IL1RAP: variants seen among roughly 807,000 people sequenced by gnomAD.
The protein encoded by IL1RAP is interleukin 1 receptor accessory protein, also known as interleukin-1 receptor accessory protein.
IL1RAP carries 35 observed loss-of-function variants against 60.7 expected under a neutral mutation model. The observed-to-expected ratio is 0.58, with a 90% CI of 0.44 to 0.76. The LOEUF is 0.76. IL1RAP is among the 30% of genes least tolerant of loss of function. The pLI is 0.00. For synonymous variants in IL1RAP, 268 were observed against 250.9 expected, an observed-to-expected ratio of 1.07 and a Z score of -0.64; for missense variants, 572 against 693.9, an observed-to-expected ratio of 0.82 and a Z score of 1.97.
chr3:190,642,853 A>C (rs3935775), intron 9 of IL1RAP, among the ~76,000 whole-genome samples: 1 of 152,180 alleles, frequency 6.6e-6, no homozygotes, highest in Non-Finnish European at 1.5e-5. Context: ...AATCAAATTG[A>C]CTAATACACA....
intron 5 of IL1RAP, among the ~76,000 whole-genome samples, chr3:190,612,630 C>A (rs1426691824): frequency 6.6e-6 from 1 of 152,040 alleles, no homozygotes; most frequent in Non-Finnish European, 1.5e-5. Context: ...CCTCGATTTA[C>A]TATGGTTTGA....
At chr3:190,596,447 C>T (rs1560199468) in intron 3 of IL1RAP, among the ~76,000 whole-genome samples, 1 of 152,186 alleles carries the variant, frequency 6.6e-6, no homozygotes, top group Admixed American at 6.5e-5. Flanking sequence ...GGCATGAAAG[C>T]CCTAGAGTGT....
At chr3:190,656,263 A>G (rs764471792), downstream of IL1RAP, 1 of 1,537,142 alleles carries the variant, frequency 6.5e-7, no homozygotes, top group South Asian at 1.2e-5. Context: ...TCAAAGGAGG[A>G]GAAGTCGTTT....
At chr3:190,560,381 A>G (rs750651944) in intron 2 of IL1RAP, among the ~76,000 whole-genome samples, 1 of 152,212 alleles carries the variant, frequency 6.6e-6, no homozygotes, top group Non-Finnish European at 1.5e-5. Context: ...AGGTCATAGA[A>G]AAGGGTGTCA....
At chr3:190,528,463 T>C (rs1722695814) in intron 1 of IL1RAP, among the ~76,000 whole-genome samples, 1 of 152,196 alleles carries the variant, frequency 6.6e-6, no homozygotes, top group Non-Finnish European at 1.5e-5. Flanking sequence ...AGTCTTCATA[T>C]AAGGTGATAC....
chr3:190,519,895 A>G (rs935690143), intron 1 of IL1RAP, among the ~76,000 whole-genome samples: 1 of 152,180 alleles, frequency 6.6e-6, no homozygotes, highest in African/African-American at 2.4e-5. Context: ...TGTGTCAATC[A>G]TCTTTCTATC....
intron 2 of IL1RAP, among the ~76,000 whole-genome samples, chr3:190,558,199 T>C (rs1413170580): frequency 1.3e-5 from 2 of 152,216 alleles, no homozygotes; most frequent in Non-Finnish European, 2.9e-5. Context: ...AGAATGACAA[T>C]TGAATTGTTT....
chr3:190,556,335 A>G lies in IL1RAP; in HGVS notation c.-2+119A>G, dbSNP rs201405263. ...CAAAACCAAGCAAAAACTTTAGCTT[A>G]TTTCATAATAAACACTAATTGTCAT... On this transcript the variant is annotated intron_variant, in intron 2 of 11. Transcript: ENST00000447382. 8.5e-5 allele frequency: 13 copies of G among 152,228 alleles called. No homozygotes were observed. The East Asian group carries it at 2.3e-3, about 27-fold the overall frequency. The allele number at this position is 152,228 out of a possible 1,614,324, so 9.4% of individuals were successfully genotyped here. A position where few individuals can be genotyped will look rare whatever the true frequency, so the allele number is the denominator to read the frequency against.
chr3:190,573,427 G>A (rs1265468533), intron 3 of IL1RAP, among the ~76,000 whole-genome samples: 4 of 152,210 alleles, frequency 2.6e-5, no homozygotes, highest in African/African-American at 7.2e-5. Context: ...TCTAAGAGGA[G>A]GGTGTAGCTT....
Position 190,625,800 on chromosome 3 carries a change from A to G in IL1RAP, c.776-1523A>G, listed in dbSNP as rs562858292. Among the ~76,000 whole-genome samples the G allele has an allele frequency of 5.3e-5, 8 of 152,348 alleles. No individual in the cohort carries two copies. In the East Asian group the frequency reaches 1.5e-3, roughly 29 times the overall value. ...ATTAGGTATGGCTTTATATAGTCAT[A>G]TGAATACTCTTCCTGCTGTCAGGGT... On this transcript the variant is annotated intron_variant, in intron 7 of 11. Transcript: ENST00000447382.
At chr3:190,557,591 A>G (rs1725533178) in intron 2 of IL1RAP, among the ~76,000 whole-genome samples, 1 of 152,142 alleles carries the variant, frequency 6.6e-6, no homozygotes, top group Non-Finnish European at 1.5e-5. Flanking sequence ...GGGGCATTTC[A>G]TTGATCTCTC....
intron 3 of IL1RAP, among the ~76,000 whole-genome samples, chr3:190,578,208 G>A (rs1294578493): frequency 6.6e-6 from 1 of 152,132 alleles, no homozygotes; most frequent in African/African-American, 2.4e-5. Flanking sequence ...ATTCAAAAAT[G>A]AAATTACTTA....
chr3:190,514,506 C>G (rs929656016), intron 1 of IL1RAP, among the ~76,000 whole-genome samples: 2 of 152,020 alleles, frequency 1.3e-5, no homozygotes, highest in African/African-American at 4.8e-5. Context: ...GAGGGGTCTA[C>G]CCTTGTTTTC....
At position 190,649,366 on chromosome 3, in the gene IL1RAP, T is replaced by C. The variant is rs1437717695; in HGVS notation, c.*661T>C. 1 of 985,484 alleles carries C rather than the reference T, an allele frequency of 1.0e-6. No homozygotes were observed. Among genetic ancestry groups the C allele is most frequent in the Non-Finnish European group, 1.2e-6 (1 of 829,694 alleles). The allele number at this position is 985,484 out of a possible 1,614,324, so 61.0% of individuals were successfully genotyped here. The stretch of plus-strand genomic sequence containing the variant: ...CTATGTAAACTTGAAAAATATTTCT[T>C]AATTTTTGTTTTTGCTCCAGTCAAT... On this transcript the variant is annotated 3_prime_UTR_variant, in exon 12 of 12. Transcript: ENST00000447382.
At chr3:190,623,830 T>A (rs934228121) in intron 7 of IL1RAP, among the ~76,000 whole-genome samples, 1 of 152,218 alleles carries the variant, frequency 6.6e-6, no homozygotes, top group Admixed American at 6.5e-5. Flanking sequence ...TAACAACTGA[T>A]AAAACTAGTA....
At chr3:190,608,824 A>T (rs28591336) in intron 4 of IL1RAP, among the ~76,000 whole-genome samples, 171 bp from the exon 5 acceptor site, 99,738 of 151,360 alleles carry the variant, frequency 0.66, 33,929 homozygotes, top group East Asian at 0.82. Flanking sequence ...TTATTCTGTG[A>T]TGTCAATTCG....
intron 9 of IL1RAP, among the ~76,000 whole-genome samples, chr3:190,638,152 T>A (rs1733373059): frequency 6.6e-6 from 1 of 152,196 alleles, no homozygotes; most frequent in South Asian, 2.1e-4. Context: ...TTCTCTGAGA[T>A]GAATACCTAT....
intron 1 of IL1RAP, among the ~76,000 whole-genome samples, chr3:190,550,972 C>T (rs553138091): frequency 3.9e-5 from 6 of 152,300 alleles, no homozygotes; most frequent in East Asian, 1.9e-4. Flanking sequence ...TTTCTACATA[C>T]ACCTTTTAGA....
At chr3:190,573,288 T>C (rs1433833006) in intron 3 of IL1RAP, among the ~76,000 whole-genome samples, 1 of 152,070 alleles carries the variant, frequency 6.6e-6, no homozygotes, top group African/African-American at 2.4e-5. Flanking sequence ...GGACCCCCTT[T>C]TGCAAGTTTA....
Sources: gnomAD v4.1 joint callset for allele counts (sites outside exome capture counted in the v4.1 genomes callset) on GRCh38, gnomAD v4.1.1 for gene constraint, MANE v1.5 for transcripts, NCBI Gene and HGNC (gene_info 2026-07-23, HGNC 2026-07-21) for gene names.